The following ASIC2 variants were observed in gnomAD, a reference collection of about 807,000 sequenced individuals.
ASIC2 encodes acid-sensing ion channel 2.
In ASIC2, 25 loss-of-function variants were observed where a neutral mutation model predicts 57.3. That is an observed-to-expected ratio of 0.44 (90% CI 0.32 to 0.61). The LOEUF (loss-of-function observed/expected upper bound fraction) is 0.61, where lower values mean the gene tolerates loss of function less well. ASIC2 is among the 20% of genes least tolerant of loss of function. The pLI is 0.06. For missense variants in ASIC2, 641 were observed against 738.1 expected (o/e 0.87, Z 1.52); for synonymous variants, 319 against 307.5 (o/e 1.04, Z -0.39).
chr17:33,764,081 CAGG>C (rs1283966013), intron 1 of ASIC2, among the ~76,000 whole-genome samples: 1 of 152,158 alleles, frequency 6.6e-6, no homozygotes, highest in Admixed American at 6.5e-5. Flanking sequence ...ATCACGAGGT[CAGG>C]AGATCGAGAC....
intron 1 of ASIC2, among the ~76,000 whole-genome samples, chr17:33,362,698 C>T (rs912031617): frequency 5.3e-5 from 8 of 152,344 alleles, no homozygotes; most frequent in Non-Finnish European, 8.8e-5. Context: ...GACCCTTGTG[C>T]CTCTCCAGGG....
rs67811038 is a variant in ASIC2 at position 33,476,504 on chromosome 17, CATATATATATAT to C, written c.556-364449_556-364438del. Among the ~76,000 whole-genome samples, 176 of 122,712 alleles carry C rather than the reference CATATATATATAT, an allele frequency of 1.4e-3. 1 individual carries two copies. Among genetic ancestry groups the C allele is most frequent in the East Asian group, 3.6e-3 (14 of 3,914 alleles). The allele number at this position is 122,712 out of a possible 152,430, so 80.5% of individuals were successfully genotyped here. ...AAACCTTTTGCAAAGTGTGTGTGTG[CATATATATATAT>C]ATATATATATATATATATATGTACA... On this transcript the variant is annotated intron_variant, in intron 1 of 9. Coordinates refer to the ASIC2 transcript ENST00000359872.
At chr17:33,094,516 A>G (rs2092170391) in intron 2 of ASIC2, among the ~76,000 whole-genome samples, 1 of 151,992 alleles carries the variant, frequency 6.6e-6, no homozygotes, top group South Asian at 2.1e-4. Flanking sequence ...TTAGTATTCA[A>G]TTTGAGGGTG....
intron 1 of ASIC2, among the ~76,000 whole-genome samples, chr17:33,252,110 T>A (rs144383637): frequency 6.6e-6 from 1 of 152,316 alleles, no homozygotes; most frequent in African/African-American, 2.4e-5. Flanking sequence ...CCCTCCTGAA[T>A]CTTCTCCCAA....
intron 1 of ASIC2, among the ~76,000 whole-genome samples, chr17:33,515,053 C>G (rs1042954965): frequency 4.6e-5 from 7 of 152,178 alleles, no homozygotes; most frequent in African/African-American, 1.7e-4. Context: ...GTCATAGGTG[C>G]CAGTAAGTAT....
chr17:33,193,567 G>A (rs1906512475), intron 1 of ASIC2, among the ~76,000 whole-genome samples: 1 of 152,172 alleles, frequency 6.6e-6, no homozygotes, highest in South Asian at 2.1e-4. Context: ...GAAGTACCTG[G>A]GAATTTACAT....
In ASIC2 at chr17:33,279,064, GAT is replaced by G. The variant is rs1211774450; in HGVS notation, c.708+12342_708+12343del. 1.2e-4 allele frequency among the ~76,000 whole-genome samples: 19 copies of G among 152,352 alleles called. No homozygotes were observed. The South Asian group carries it at 1.4e-3, about 12-fold the overall frequency. ...TGATTTATATGGAAGAGTGGCCTGA[GAT>G]AACCATAGAAGAGATGAGATTTTTA... is the stretch of plus-strand genomic sequence containing the variant. On this transcript the variant is annotated intron_variant, in intron 1 of 9. Transcript: ENST00000225823.
At chr17:33,604,961 G>A (rs1905193260) in intron 1 of ASIC2, among the ~76,000 whole-genome samples, 1 of 151,686 alleles carries the variant, frequency 6.6e-6, no homozygotes, top group African/African-American at 2.4e-5. Flanking sequence ...ATATCTCCTG[G>A]GTCAGTGGTT....
intron 1 of ASIC2, among the ~76,000 whole-genome samples, chr17:34,045,314 G>A (rs1207599168): frequency 6.6e-6 from 1 of 152,178 alleles, no homozygotes; most frequent in African/African-American, 2.4e-5. Context: ...GTGAGCCAGA[G>A]TTATGCCAGG....
At chr17:33,578,906 G>A (rs991003226) in intron 1 of ASIC2, among the ~76,000 whole-genome samples, 3 of 152,214 alleles carry the variant, frequency 2.0e-5, no homozygotes, top group African/African-American at 4.8e-5. Context: ...CAGCAGGCAA[G>A]AAAAGATGGA....
At chr17:33,394,347 G>A (rs2141954565) in intron 1 of ASIC2, among the ~76,000 whole-genome samples, 1 of 152,342 alleles carries the variant, frequency 6.6e-6, no homozygotes, top group African/African-American at 2.4e-5. Flanking sequence ...TCAGCTCTCA[G>A]CCCTGGCTGC....
chr17:33,240,787 C>T (rs1221713059), intron 1 of ASIC2, among the ~76,000 whole-genome samples: 2 of 152,144 alleles, frequency 1.3e-5, no homozygotes, highest in Non-Finnish European at 2.9e-5. Flanking sequence ...GGGTGTCTTC[C>T]TCCATAAATC....
chr17:33,089,853 G>A (rs2092150511), intron 2 of ASIC2, among the ~76,000 whole-genome samples: 1 of 152,194 alleles, frequency 6.6e-6, no homozygotes, highest in Non-Finnish European at 1.5e-5. Flanking sequence ...GCCCTTGGCA[G>A]TGGGAGGTTG....
At chr17:33,129,375 T>C (rs1037113703) in intron 1 of ASIC2, among the ~76,000 whole-genome samples, 1 of 152,190 alleles carries the variant, frequency 6.6e-6, no homozygotes, top group African/African-American at 2.4e-5. Context: ...GTATTTAGAA[T>C]AGAAAATAGC....
At chr17:34,113,954 T>A (rs1911354652) in intron 1 of ASIC2, among the ~76,000 whole-genome samples, 1 of 152,220 alleles carries the variant, frequency 6.6e-6, no homozygotes, top group African/African-American at 2.4e-5. Flanking sequence ...GTTATCCTCA[T>A]CATTTAAAAG....
chr17:33,257,180 C>T (rs937912461), intron 1 of ASIC2, among the ~76,000 whole-genome samples: 18 of 152,198 alleles, frequency 1.2e-4, no homozygotes, highest in African/African-American at 4.3e-4. Context: ...ACCAGGGCTG[C>T]GTTTGTAAGC....
At chr17:33,555,635 A>G (rs1915885418) in intron 1 of ASIC2, among the ~76,000 whole-genome samples, 1 of 152,186 alleles carries the variant, frequency 6.6e-6, no homozygotes, top group Non-Finnish European at 1.5e-5. Context: ...TCCAAATGAC[A>G]CTGTCATAAA....
intron 1 of ASIC2, among the ~76,000 whole-genome samples, chr17:33,878,484 A>G (rs1436242348): frequency 1.3e-5 from 2 of 152,244 alleles, no homozygotes; most frequent in African/African-American, 4.8e-5. Flanking sequence ...AGCCGATTCG[A>G]TCAACTGGAA....
chr17:33,106,453 T>C (rs1043078170), intron 2 of ASIC2, among the ~76,000 whole-genome samples: 2 of 152,224 alleles, frequency 1.3e-5, no homozygotes, highest in African/African-American at 4.8e-5. Flanking sequence ...TGCCTATTTG[T>C]GGTCTTTCTG....
Sources: gnomAD v4.1 joint callset for allele counts (sites outside exome capture counted in the v4.1 genomes callset) on GRCh38, gnomAD v4.1.1 for gene constraint, MANE v1.5 for transcripts, NCBI Gene and HGNC (gene_info 2026-07-23, HGNC 2026-07-21) for gene names.